The following PCSK2 variants were observed in gnomAD, a reference collection of about 807,000 sequenced individuals.
The protein encoded by PCSK2 is neuroendocrine convertase 2.
Under a neutral mutation model 69.7 loss-of-function variants are expected in PCSK2, and 14 were observed. The observed-to-expected ratio is 0.20, with a 90% CI of 0.13 to 0.31. The LOEUF is 0.31. PCSK2 is among the 10% of genes least tolerant of loss of function. The probability of loss-of-function intolerance (pLI) is 1.00; values close to 1 mark genes in which losing one functional copy is unlikely to be tolerated. For missense variants in PCSK2, 544 were observed against 842.5 expected (o/e 0.65, Z 4.39); for synonymous variants, 307 against 320.7 (o/e 0.96, Z 0.46).
intron 2 of PCSK2, among the ~76,000 whole-genome samples, chr20:17,320,686 G>GA (rs1390764467): frequency 2.6e-5 from 4 of 152,198 alleles, no homozygotes; most frequent in Non-Finnish European, 2.9e-5. Flanking sequence ...CCCTGTCAGA[G>GA]ACCGCTGGAG....
At chr20:17,417,520 T>C (rs1568640794) in intron 6 of PCSK2, among the ~76,000 whole-genome samples, 1 of 152,210 alleles carries the variant, frequency 6.6e-6, no homozygotes, top group Admixed American at 6.5e-5. Flanking sequence ...TTACAAAGAC[T>C]GGATGATGCC....
At chr20:17,451,839 A>G (rs1007727456) in intron 8 of PCSK2, among the ~76,000 whole-genome samples, 2 of 151,266 alleles carry the variant, frequency 1.3e-5, no homozygotes, top group Non-Finnish European at 2.9e-5. Context: ...CTACATATGG[A>G]CTGATTCAGG....
intron 6 of PCSK2, 118 bp downstream of exon 6, chr20:17,409,457 T>C (rs2031824038): frequency 4.3e-6 from 3 of 701,896 alleles, no homozygotes; most frequent in Admixed American, 2.5e-5. Flanking sequence ...TTAAATTATA[T>C]TGTGATTTTT....
chr20:17,440,941 C>A (rs2032582556), intron 8 of PCSK2, among the ~76,000 whole-genome samples: 3 of 152,028 alleles, frequency 2.0e-5, no homozygotes, highest in East Asian at 1.9e-4. Context: ...TGCCTGGGAC[C>A]AGACAGACAT....
intron 5 of PCSK2, among the ~76,000 whole-genome samples, chr20:17,395,781 T>C (rs756187785): frequency 1.3e-5 from 2 of 152,230 alleles, no homozygotes; most frequent in African/African-American, 4.8e-5. Flanking sequence ...TCATCTAAGA[T>C]GTGTTTTAGA....
At chr20:17,238,540 C>A (rs1285569780) in intron 1 of PCSK2, among the ~76,000 whole-genome samples, 1 of 152,096 alleles carries the variant, frequency 6.6e-6, no homozygotes, top group Non-Finnish European at 1.5e-5. Context: ...TTCCAAAAAG[C>A]ATTTGAGCCT....
At chr20:17,317,012 T>C (rs1289460698) in intron 2 of PCSK2, among the ~76,000 whole-genome samples, 2 of 152,232 alleles carry the variant, frequency 1.3e-5, no homozygotes, top group Non-Finnish European at 2.9e-5. Context: ...TTTTCTTTCC[T>C]TCCTTGTTTT....
intron 2 of PCSK2, among the ~76,000 whole-genome samples, chr20:17,317,453 G>A (rs1270132917): frequency 1.3e-5 from 2 of 152,134 alleles, no homozygotes; most frequent in Non-Finnish European, 2.9e-5. Flanking sequence ...ATAATTTCCT[G>A]CCATTTCCCA....
intron 2 of PCSK2, among the ~76,000 whole-genome samples, chr20:17,317,606 C>T (rs867565115): frequency 1.4e-4 from 22 of 152,328 alleles, no homozygotes; most frequent in African/African-American, 4.6e-4. Context: ...CACCTCAATA[C>T]AACTCCCCCA....
chr20:17,450,174 G>A (rs535223014), intron 8 of PCSK2, among the ~76,000 whole-genome samples: 2,099 of 151,722 alleles, frequency 0.014, 15 homozygotes, highest in Non-Finnish European at 0.02. Context: ...GACTACAGGC[G>A]CCCGCCACCT....
intron 2 of PCSK2, among the ~76,000 whole-genome samples, chr20:17,284,880 GAA>G (rs1988458319): frequency 6.6e-6 from 1 of 152,212 alleles, no homozygotes; most frequent in Non-Finnish European, 1.5e-5. Flanking sequence ...GGGAGATAAA[GAA>G]ACTATATTCT....
rs2033413282 is a variant in PCSK2, at chr20:17,482,061, C to T, written c.1908C>T (p.Asn636=). ...AGAGAAGCCTGAAAAGCATCCTTAA[C>T]AAGAACTAGCGCTGCACATCCGCCT... ...AVERSLKSIL[N]KN The change falls in exon 12 of 12, where the codon AAC becomes AAT. Residue 636 remains asparagine (N), a synonymous_variant. Coordinates refer to ENST00000262545, the MANE Select transcript of PCSK2 (RefSeq NM_002594.5). 3 of 1,586,626 alleles carry T rather than the reference C, an allele frequency of 1.9e-6. No individual in the cohort carries two copies. The highest frequency in any genetic ancestry group is 2.2e-5 in the East Asian group (1 of 44,662).
chr20:17,244,110 C>T lies in PCSK2; in HGVS notation c.178-16130C>T, dbSNP rs568615885. 7.9e-5 allele frequency among the ~76,000 whole-genome samples: 12 copies of T among 152,182 alleles called. 1 individual carries two copies. Among genetic ancestry groups the T allele is most frequent in the Non-Finnish European group, 1.3e-4 (9 of 68,046 alleles). ...GAAAACACACACACACCATCTACAA[C>T]TTATTCTCAAATGATTCACCAAAGT... is the stretch of plus-strand genomic sequence containing the variant. On this transcript the variant is annotated intron_variant, in intron 1 of 11. Coordinates refer to ENST00000262545, the MANE Select transcript of PCSK2 (RefSeq NM_002594.5).
chr20:17,467,797 C>A (rs776205535), intron 11 of PCSK2, among the ~76,000 whole-genome samples: 6 of 152,158 alleles, frequency 3.9e-5, no homozygotes, highest in Non-Finnish European at 4.4e-5. Context: ...CTACAGCAGG[C>A]ACACAGTAGG....
chr20:17,234,927 A>C (rs1218541928), intron 1 of PCSK2, among the ~76,000 whole-genome samples: 1 of 151,718 alleles, frequency 6.6e-6, no homozygotes, highest in Non-Finnish European at 1.5e-5. Context: ...ATTATTTGAG[A>C]TACAAATAAT....
At chr20:17,274,879 G>A (rs967922761) in intron 2 of PCSK2, among the ~76,000 whole-genome samples, 5 of 151,984 alleles carry the variant, frequency 3.3e-5, no homozygotes, top group African/African-American at 9.7e-5. Context: ...ATGGCATAAA[G>A]CACATTAAAA....
chr20:17,240,490 C>A (rs1404595884), intron 1 of PCSK2, among the ~76,000 whole-genome samples: 2 of 152,148 alleles, frequency 1.3e-5, no homozygotes, highest in Admixed American at 6.6e-5. Flanking sequence ...CCAGAGAACA[C>A]CCTCAGGAGA....
chr20:17,468,589 A>G (rs921570818), intron 11 of PCSK2, among the ~76,000 whole-genome samples: 1 of 146,570 alleles, frequency 6.8e-6, no homozygotes, highest in Non-Finnish European at 1.5e-5. Context: ...CGGGCAGCCT[A>G]CCATAGGTCA....
intron 9 of PCSK2, among the ~76,000 whole-genome samples, chr20:17,455,686 G>A (rs1294211933): frequency 1.3e-5 from 2 of 152,190 alleles, no homozygotes; most frequent in African/African-American, 4.8e-5. Flanking sequence ...ACTAGGGTGG[G>A]GGTATTGACA....
Sources: allele counts gnomAD v4.1 joint callset (sites outside exome capture counted in the v4.1 genomes callset), GRCh38; gene constraint gnomAD v4.1.1; transcripts MANE v1.5; gene names NCBI Gene and HGNC (gene_info 2026-07-23, HGNC 2026-07-21).